ZNF555: variants seen among roughly 807,000 people sequenced by gnomAD.
ZNF555 encodes zinc finger protein 555.
Under a neutral mutation model 14.0 loss-of-function variants are expected in ZNF555, and 10 were observed. The observed-to-expected ratio is 0.72, with a 90% CI of 0.44 to 1.21. The LOEUF (loss-of-function observed/expected upper bound fraction) is 1.21, where lower values mean the gene tolerates loss of function less well. Among genes scored for constraint, ZNF555 ranks in the 50% most tolerant of loss-of-function variants. The pLI is 0.00. For missense variants in ZNF555, 747 were observed against 762.0 expected (o/e 0.98, Z 0.23); for synonymous variants, 277 against 262.4 (o/e 1.06, Z -0.54).
Position 2,852,957 on chromosome 19 carries a change from A to G in ZNF555, c.892A>G (p.Thr298Ala), listed in dbSNP as rs750555626. 5 of 1,614,124 alleles carry G rather than the reference A, an allele frequency of 3.1e-6. No individual in the cohort carries two copies. The Admixed American group carries it at 5.0e-5, about 16-fold the overall frequency. Reference sequence around the variant, plus strand: ...TGCGGAAGCCTTTAGTTATTCCTCAACTTTTCGAAGACATATGATTTCACA... The same window carrying G: ...TGCGGAAGCCTTTAGTTATTCCTCAGCTTTTCGAAGACATATGATTTCACA... ...ECAEAFSYSS[T>A]FRRHMISHTG... The change falls in exon 4 of 4, where the codon ACT becomes GCT. Residue 298 changes from threonine to alanine, a missense_variant. By Grantham distance (58) the Thr-to-Ala change is moderately conservative. Transcript: ENST00000334241.
At chr19:2,847,798 T>C (rs2087594289) in intron 1 of ZNF555, among the ~76,000 whole-genome samples, 1 of 152,200 alleles carries the variant, frequency 6.6e-6, no homozygotes, top group Non-Finnish European at 1.5e-5. Context: ...GACACGGACA[T>C]ATCTTTCTGG....
At chr19:2,844,806 C>A (rs940851646) in intron 1 of ZNF555, among the ~76,000 whole-genome samples, 5 of 152,168 alleles carry the variant, frequency 3.3e-5, no homozygotes, top group Non-Finnish European at 7.3e-5. Flanking sequence ...TGCGTCCACC[C>A]CCTAGCCCAC....
Position 2,850,654 on chromosome 19 carries a change from C to G in ZNF555, c.71C>G (p.Ala24Gly), listed in dbSNP as rs1195472006. ...TLEEWALLDSAQRDLYRDVML... is the reference protein window; with the variant it reads ...TLEEWALLDSGQRDLYRDVML... ...GAGGAGTGGGCTTTGCTGGATTCTG[C>G]TCAGAGGGACCTCTACAGAGATGTG... The change falls in exon 2 of 4, where the codon GCT becomes GGT. Residue 24 changes from alanine to glycine, a missense_variant. Ala to Gly is a moderately conservative substitution (Grantham distance 60, BLOSUM62 0). Transcript: ENST00000334241. 3 of 1,613,900 alleles carry G rather than the reference C, an allele frequency of 1.9e-6. No individual in the cohort carries two copies. The highest frequency in any genetic ancestry group is 2.2e-5 in the South Asian group (2 of 91,082).
chr19:2,846,014 A>G lies in ZNF555; in HGVS notation c.3+4439A>G, dbSNP rs116479256. Among the ~76,000 whole-genome samples the G allele has an allele frequency of 5.2e-3, 788 of 152,278 alleles. 6 individuals carry two copies. Among genetic ancestry groups the G allele is most frequent in the African/African-American group, 0.018 (755 of 41,566 alleles). On this transcript the variant is annotated intron_variant, in intron 1 of 3. Coordinates refer to ENST00000334241, the MANE Select transcript of ZNF555 (RefSeq NM_152791.5). ...GGTCGGGACACCCCAAGCAGGACTTAACATTGGTCAGGCAGTCGGGTTAGC... is the reference window on the plus strand; with the variant it reads ...GGTCGGGACACCCCAAGCAGGACTTGACATTGGTCAGGCAGTCGGGTTAGC...
chr19:2,851,046 T>A (rs1361606488), intron 2 of ZNF555, among the ~76,000 whole-genome samples: 1 of 150,406 alleles, frequency 6.6e-6, no homozygotes. Flanking sequence ...TCGCCCAGGC[T>A]GGAGTGCAGT....
intron 1 of ZNF555, among the ~76,000 whole-genome samples, chr19:2,842,624 C>T (rs899700348): frequency 2.4e-4 from 36 of 152,148 alleles, no homozygotes; most frequent in Admixed American, 1.3e-4. Context: ...GGAGGGCGTC[C>T]GTCGTGGTAG....
chr19:2,844,094 T>TCTC (rs57214625), intron 1 of ZNF555, among the ~76,000 whole-genome samples: 3 of 11,448 alleles, frequency 2.6e-4, no homozygotes, highest in African/African-American at 7.9e-4. Flanking sequence ...TCTCTCTCTC[T>TCTC]TTTCTTTTTT....
chr19:2,844,322 C>T (rs1034239713), intron 1 of ZNF555, among the ~76,000 whole-genome samples: 7 of 152,180 alleles, frequency 4.6e-5, no homozygotes, highest in Admixed American at 6.5e-5. Context: ...AGGCTGGTCT[C>T]GAACTCCTGA....
intron 3 of ZNF555, 104 bp downstream of exon 3, chr19:2,851,755 C>T: frequency 9.4e-7 from 1 of 1,064,360 alleles, no homozygotes; most frequent in African/African-American, 1.7e-5. Context: ...AAGCCTAGCT[C>T]CAATTTGTTT....
At chr19:2,846,533 G>C (rs1440909887) in intron 1 of ZNF555, among the ~76,000 whole-genome samples, 1 of 152,202 alleles carries the variant, frequency 6.6e-6, no homozygotes, top group East Asian at 1.9e-4. Flanking sequence ...CCTGTTCATT[G>C]AGCCTAGCCC....
At chr19:2,852,165 GAA>G (rs1434617837) in intron 3 of ZNF555, among the ~76,000 whole-genome samples, 1 of 150,842 alleles carries the variant, frequency 6.6e-6, no homozygotes, top group Non-Finnish European at 1.5e-5. Context: ...AAAAAAGAAA[GAA>G]AGAGAAAGAA....
At position 2,849,805 on chromosome 19, in the gene ZNF555, G is replaced by A. The variant is rs149012047; in HGVS notation, c.4-782G>A. Among the ~76,000 whole-genome samples, 357 of 152,070 alleles carry A rather than the reference G, an allele frequency of 2.3e-3. 1 individual carries two copies. The highest frequency in any genetic ancestry group is 7.6e-3 in the African/African-American group (317 of 41,474). Reference sequence around the variant, plus strand: ...ACTTGGCCCAAGAATACTTTCTTTCGGCTCTGGTGAAAAGAGCTGTTTTGG... The same window carrying A: ...ACTTGGCCCAAGAATACTTTCTTTCAGCTCTGGTGAAAAGAGCTGTTTTGG... On this transcript the variant is annotated intron_variant, in intron 1 of 3. Coordinates refer to ENST00000334241, the MANE Select transcript of ZNF555 (RefSeq NM_152791.5).
Position 2,859,375 on chromosome 19 carries a change from C to A in ZNF555, c.*5423C>A, listed in dbSNP as rs2087712522. 1 of 152,200 alleles carries A rather than the reference C, an allele frequency of 6.6e-6. No individual in the cohort carries two copies. The highest frequency in any genetic ancestry group is 1.9e-4 in the East Asian group (1 of 5,196). 9.4% of individuals were successfully genotyped at this position (152,200 alleles called of 1,614,324 possible). On this transcript the variant is annotated 3_prime_UTR_variant, in exon 4 of 4. Coordinates refer to ENST00000334241, the MANE Select transcript of ZNF555 (RefSeq NM_152791.5). ...AGGTAGACAGCCCGTGCTCCAGAGG[C>A]CTTCATCTTGTGATGGCAGATGTAC...
rs1332807146 is a variant in ZNF555 at position 2,857,600 on chromosome 19, A to G, written c.*3648A>G. 1 of 152,232 alleles carries G rather than the reference A, an allele frequency of 6.6e-6. No homozygotes were observed. The highest frequency in any genetic ancestry group is 1.5e-5 in the Non-Finnish European group (1 of 68,036). 9.4% of individuals were successfully genotyped at this position (152,232 alleles called of 1,614,324 possible). Reference sequence around the variant, plus strand: ...GTAGTGGTGAAAACAAGCATTTGCAAAAACTCATAAGGCTACTCTTAAAAT... The same window carrying G: ...GTAGTGGTGAAAACAAGCATTTGCAGAAACTCATAAGGCTACTCTTAAAAT... On this transcript the variant is annotated 3_prime_UTR_variant, in exon 4 of 4. Transcript: ENST00000334241.
At chr19:2,845,703 G>T (rs926846084) in intron 1 of ZNF555, among the ~76,000 whole-genome samples, 4 of 152,128 alleles carry the variant, frequency 2.6e-5, no homozygotes, top group African/African-American at 9.7e-5. Context: ...TTTCTCTGAT[G>T]ATTAGTGGTG....
chr19:2,842,550 C>A (rs2087546909), intron 1 of ZNF555, among the ~76,000 whole-genome samples: 1 of 152,116 alleles, frequency 6.6e-6, no homozygotes, highest in Non-Finnish European at 1.5e-5. Flanking sequence ...GAAGACGTTT[C>A]TCAGTTCTGT....
At position 2,858,765 on chromosome 19, in the gene ZNF555, G is replaced by C. The variant is rs2087705290; in HGVS notation, c.*4813G>C. The C allele has an allele frequency of 6.6e-6, 1 of 152,254 alleles. No homozygotes were observed. The highest frequency in any genetic ancestry group is 1.5e-5 in the Non-Finnish European group (1 of 68,118). 9.4% of individuals were successfully genotyped at this position (152,254 alleles called of 1,614,324 possible). A position where few individuals can be genotyped will look rare whatever the true frequency, so the allele number is the denominator to read the frequency against. On this transcript the variant is annotated 3_prime_UTR_variant, in exon 4 of 4. Transcript: ENST00000334241. Reference sequence around the variant, plus strand: ...CATAAATCCATAGGCACAATCACACGCCTCACGGTGTCAACATCTCCCATG... The same window carrying C: ...CATAAATCCATAGGCACAATCACACCCCTCACGGTGTCAACATCTCCCATG...
At chr19:2,847,971 C>T (rs1331787830) in intron 1 of ZNF555, among the ~76,000 whole-genome samples, 1 of 152,068 alleles carries the variant, frequency 6.6e-6, no homozygotes, top group African/African-American at 2.4e-5. Flanking sequence ...ACGGAGTGTC[C>T]CCTGCCTCCC....
At chr19:2,844,538 A>G (rs1333914512) in intron 1 of ZNF555, among the ~76,000 whole-genome samples, 1 of 152,200 alleles carries the variant, frequency 6.6e-6, no homozygotes, top group East Asian at 1.9e-4. Flanking sequence ...CATGCCCCCA[A>G]CCAGGGTGTT....
Sources: allele counts gnomAD v4.1 joint callset (sites outside exome capture counted in the v4.1 genomes callset), GRCh38; gene constraint gnomAD v4.1.1; transcripts MANE v1.5; gene names NCBI Gene and HGNC (gene_info 2026-07-23, HGNC 2026-07-21).